The following STK4 variants were observed in gnomAD, a reference collection of about 807,000 sequenced individuals.
STK4 encodes serine/threonine-protein kinase 4.
STK4 carries 30 observed loss-of-function variants against 64.9 expected under a neutral mutation model. The observed-to-expected ratio is 0.46, with a 90% CI of 0.35 to 0.63. The LOEUF (loss-of-function observed/expected upper bound fraction) is 0.63, where lower values mean the gene tolerates loss of function less well. STK4 is among the 20% of genes least tolerant of loss of function. STK4 has a pLI of 0.01. For missense variants in STK4, 466 were observed against 598.5 expected (o/e 0.78, Z 2.31); for synonymous variants, 177 against 199.0 (o/e 0.89, Z 0.93).
At chr20:44,972,931 C>T (rs563743142) in intron 2 of STK4, 1 of 150,990 alleles carries the variant, frequency 6.6e-6, no homozygotes, top group African/African-American at 2.4e-5. Flanking sequence ...CTGCCTCCTA[C>T]CTCTCTCTGT....
chr20:44,981,297 G>A (rs1015183715), intron 3 of STK4, among the ~76,000 whole-genome samples: 1 of 152,024 alleles, frequency 6.6e-6, no homozygotes, highest in African/African-American at 2.4e-5. Flanking sequence ...AGGGACTACA[G>A]GTGCACACTG....
chr20:45,063,908 C>T (rs952571623), intron 10 of STK4, among the ~76,000 whole-genome samples: 2 of 151,904 alleles, frequency 1.3e-5, no homozygotes, highest in East Asian at 1.9e-4. Flanking sequence ...CCCGGGTTCA[C>T]GCCATTCTTC....
intron 4 of STK4, among the ~76,000 whole-genome samples, chr20:44,983,520 G>A (rs1335048311): frequency 2.0e-5 from 3 of 152,160 alleles, no homozygotes; most frequent in Admixed American, 6.5e-5. Context: ...TGTGATGGGG[G>A]TTGAAGTGGG....
rs977079303 is a variant in STK4 at position 45,075,375 on chromosome 20, G to A, written c.*199G>A. The A allele has an allele frequency of 8.5e-6, 5 of 585,122 alleles. No homozygotes were observed. The highest frequency in any genetic ancestry group is 1.4e-5 in the Non-Finnish European group (5 of 346,438). 36.2% of individuals were successfully genotyped at this position (585,122 alleles called of 1,614,324 possible). On this transcript the variant is annotated 3_prime_UTR_variant, in exon 11 of 11. Transcript: ENST00000372806. ...TGATGTGTGTATGTACATTGGTCAG[G>A]TATATTATCTCAAAGGATTTATATT... is the stretch of plus-strand genomic sequence containing the variant.
intron 3 of STK4, among the ~76,000 whole-genome samples, chr20:44,979,605 C>G (rs749406563): frequency 6.6e-6 from 1 of 152,164 alleles, no homozygotes; most frequent in Non-Finnish European, 1.5e-5. Context: ...GTTGAAGCTG[C>G]ATTCATTCTT....
At chr20:45,017,593 C>T (rs2068165771) in intron 9 of STK4, among the ~76,000 whole-genome samples, 1 of 152,084 alleles carries the variant, frequency 6.6e-6, no homozygotes, top group Non-Finnish European at 1.5e-5. Flanking sequence ...GGAGTTTGAA[C>T]CTGATTCTCT....
At chr20:45,023,532 A>G (rs1268499260) in intron 9 of STK4, among the ~76,000 whole-genome samples, 2 of 152,106 alleles carry the variant, frequency 1.3e-5, no homozygotes, top group Non-Finnish European at 2.9e-5. Context: ...GGCCGTATAA[A>G]CCCCTATGTT....
chr20:45,038,690 C>T (rs184139089), intron 10 of STK4, among the ~76,000 whole-genome samples: 21 of 151,802 alleles, frequency 1.4e-4, no homozygotes, highest in African/African-American at 4.8e-4. Context: ...TCCTCAGGAC[C>T]GCTTCATACT....
intron 10 of STK4, among the ~76,000 whole-genome samples, chr20:45,049,808 T>A (rs1301986043): frequency 6.6e-6 from 1 of 152,136 alleles, no homozygotes. Context: ...TCTCCTCCCA[T>A]CTCAATTTTG....
In STK4 at chr20:44,991,208, G is replaced by A. The variant is rs376565769; in HGVS notation, c.526-3882G>A. Among the ~76,000 whole-genome samples, 7 of 151,904 alleles carry A rather than the reference G, an allele frequency of 4.6e-5. 1 individual carries two copies. ...CTGGTGGCAACATGGGTATTTCATT[G>A]TATGGATATAGCATGATTTATTTAA... On this transcript the variant is annotated intron_variant, in intron 5 of 10. Coordinates refer to ENST00000372806, the MANE Select transcript of STK4 (RefSeq NM_006282.5).
chr20:44,969,363 T>C (rs998199481), intron 1 of STK4, among the ~76,000 whole-genome samples: 1 of 152,200 alleles, frequency 6.6e-6, no homozygotes, highest in African/African-American at 2.4e-5. Context: ...CTTTGAGAAT[T>C]AGCCAGACCT....
At chr20:44,970,093 G>C (rs1288579240) in intron 1 of STK4, among the ~76,000 whole-genome samples, 2 of 152,102 alleles carry the variant, frequency 1.3e-5, no homozygotes, top group African/African-American at 4.8e-5. Flanking sequence ...AAAGCACTTA[G>C]ATTGTTTCAA....
Position 45,024,966 on chromosome 20 carries a change from T to G in STK4, c.1148-7T>G. 5 of 1,548,650 alleles carry G rather than the reference T, an allele frequency of 3.2e-6. No homozygotes were observed. Among genetic ancestry groups the G allele is most frequent in the Non-Finnish European group, 4.3e-6 (5 of 1,151,542 alleles). On this transcript the variant is annotated splice_region_variant and splice_polypyrimidine_tract_variant and intron_variant, in intron 9 of 10. Coordinates refer to ENST00000372806, the MANE Select transcript of STK4 (RefSeq NM_006282.5). Reference sequence around the variant, plus strand: ...TCTTTTCATTTTTCATTTTTCTTTGTTTTCAGGAAGGGATGAGACCATGCA... The same window carrying G: ...TCTTTTCATTTTTCATTTTTCTTTGGTTTCAGGAAGGGATGAGACCATGCA...
chr20:45,023,004 T>G (rs1389553423), intron 9 of STK4, among the ~76,000 whole-genome samples: 1 of 152,214 alleles, frequency 6.6e-6, no homozygotes, highest in Non-Finnish European at 1.5e-5. Context: ...ATACCCTCTT[T>G]TGTTTGTATT....
intron 10 of STK4, among the ~76,000 whole-genome samples, chr20:45,066,178 AT>A (rs1979552059): frequency 8.3e-6 from 1 of 120,026 alleles, no homozygotes; most frequent in Non-Finnish European, 1.8e-5. Context: ...CACATTATAT[AT>A]CTACACACAC....
intron 10 of STK4, among the ~76,000 whole-genome samples, chr20:45,072,062 G>A (rs956239686): frequency 2.6e-5 from 4 of 152,118 alleles, no homozygotes; most frequent in Admixed American, 6.5e-5. Context: ...CATGCCCAGC[G>A]TGAATACCTT....
At chr20:45,000,328 A>C in intron 7 of STK4, 64 bp from the exon 8 acceptor site, 1 of 1,554,420 alleles carries the variant, frequency 6.4e-7, no homozygotes, top group Non-Finnish European at 8.7e-7. Flanking sequence ...ACTGTGTTCC[A>C]GGTACTGTTT....
intron 9 of STK4, among the ~76,000 whole-genome samples, chr20:45,021,570 A>AC (rs1568728952): frequency 5.9e-5 from 9 of 152,218 alleles, no homozygotes; most frequent in Non-Finnish European, 1.2e-4. Context: ...CCTATCAGTC[A>AC]GTTCATTCAG....
chr20:44,982,724 T>C (rs2067463124), intron 4 of STK4, among the ~76,000 whole-genome samples: 1 of 152,198 alleles, frequency 6.6e-6, no homozygotes, highest in African/African-American at 2.4e-5. Flanking sequence ...TTACTTAATG[T>C]CTTTATGTAT....
Sources: gnomAD v4.1 joint callset for allele counts (sites outside exome capture counted in the v4.1 genomes callset) on GRCh38, gnomAD v4.1.1 for gene constraint, MANE v1.5 for transcripts, NCBI Gene and HGNC (gene_info 2026-07-23, HGNC 2026-07-21) for gene names.